MYCBP2: variants seen among roughly 807,000 people sequenced by gnomAD.
MYCBP2 encodes the protein E3 ubiquitin-protein ligase MYCBP2.
In MYCBP2, 120 loss-of-function variants were observed where a neutral mutation model predicts 525.3. That is an observed-to-expected ratio of 0.23 (90% CI 0.20 to 0.27). The LOEUF (loss-of-function observed/expected upper bound fraction) is 0.27, where lower values mean the gene tolerates loss of function less well. Among genes scored for constraint, MYCBP2 ranks in the 10% least tolerant of loss-of-function variants. The pLI is 1.00. For synonymous variants in MYCBP2, 1,894 were observed against 1,955.8 expected (o/e 0.97, Z 0.83); for missense variants, 4,149 against 5,657.1 (o/e 0.73, Z 8.55).
chr13:77,077,386 A>G lies in MYCBP2; in HGVS notation c.11486T>C (p.Val3829Ala), dbSNP rs1467365109. Residue 3829 changes from valine to alanine, a missense_variant and splice_region_variant, in exon 67 of 83, where the codon GTT becomes GCT. Transcript: ENST00000544440. ...AVEDLCRIKQVDLDSRHIGWV... is the reference protein window; with the variant it reads ...AVEDLCRIKQADLDSRHIGWV... ...GCCAATGTGCCTGGAATCCAGATCA[A>G]CCTGGTTGAGTAGAAAAGAGGCAGG... 8.7e-6 allele frequency: 14 copies of G among 1,613,648 alleles called. No homozygotes were observed. The highest frequency in any genetic ancestry group is 1.2e-5 in the Non-Finnish European group (14 of 1,179,774).
chr13:77,093,800 T>C (rs2045809237), intron 58 of MYCBP2, among the ~76,000 whole-genome samples: 1 of 152,138 alleles, frequency 6.6e-6, no homozygotes, highest in African/African-American at 2.4e-5. Context: ...GCAGTTACTT[T>C]TTTGGGTAGG....
chr13:77,057,145 T>A lies in MYCBP2; in HGVS notation c.13330-52A>T, dbSNP rs374736886. The A allele has an allele frequency of 1.6e-4, 210 of 1,278,032 alleles. No homozygotes were observed. In the African/African-American group the frequency reaches 2.4e-3, roughly 15 times the overall value. The allele number at this position is 1,278,032 out of a possible 1,614,324, so 79.2% of individuals were successfully genotyped here. ...AAGCAAATATAATAATGATAAACAG[T>A]TGAGTGACTGGGAGATTATTTAATG... On this transcript the variant is annotated intron_variant, in intron 78 of 82. Transcript: ENST00000544440.
intron 60 of MYCBP2, among the ~76,000 whole-genome samples, chr13:77,089,846 C>T (rs1383209391): frequency 6.6e-6 from 1 of 151,886 alleles, no homozygotes; most frequent in African/African-American, 2.4e-5. Context: ...GGCTTAGATA[C>T]CTAACAAGTA....
At position 77,099,008 on chromosome 13, in the gene MYCBP2, G is replaced by A; in HGVS notation, c.8146C>T (p.Arg2716Ter). 1 of 1,604,636 alleles carries A rather than the reference G, an allele frequency of 6.2e-7. No homozygotes were observed. Residue 2716 changes from arginine to a stop codon, truncating the protein, a stop_gained, in exon 56 of 83, where the codon CGA becomes TGA. Transcript: ENST00000544440. LOFTEE classifies it high-confidence loss of function. ...TTAGAAGATGTTGAGATGTTTCCTC[G>A]ATCACCTGTATGGTCCATTTTACAG... ...DYGLGNSKGD[R>*]GNISTSSKPA...
intron 66 of MYCBP2, 96 bp downstream of exon 66, chr13:77,078,728 T>G: frequency 1.1e-6 from 1 of 932,894 alleles, no homozygotes; most frequent in Admixed American, 1.8e-5. Flanking sequence ...CTATAATACT[T>G]TGGTTGTGTG....
At chr13:77,172,184 C>A (rs567094253) in intron 37 of MYCBP2, among the ~76,000 whole-genome samples, 1 of 152,232 alleles carries the variant, frequency 6.6e-6, no homozygotes, top group East Asian at 1.9e-4. Flanking sequence ...TAGGAGTGAG[C>A]CGCGCACCCA....
intron 62 of MYCBP2, among the ~76,000 whole-genome samples, chr13:77,083,840 T>G (rs2043748916): frequency 6.6e-6 from 1 of 152,132 alleles, no homozygotes; most frequent in South Asian, 2.1e-4. Flanking sequence ...TCTCCCTGTC[T>G]CTACAGCCCA....
intron 39 of MYCBP2, among the ~76,000 whole-genome samples, chr13:77,169,125 C>A (rs573904261): frequency 1.3e-5 from 2 of 152,200 alleles, no homozygotes; most frequent in Non-Finnish European, 2.9e-5. Context: ...GTAAAGCCAA[C>A]AGGCCGGGCG....
intron 52 of MYCBP2, among the ~76,000 whole-genome samples, chr13:77,127,259 A>G (rs2051836114): frequency 6.6e-6 from 1 of 152,024 alleles, no homozygotes; most frequent in Admixed American, 6.6e-5. Context: ...GAAATTAAAC[A>G]TGGATTTAAG....
intron 46 of MYCBP2, among the ~76,000 whole-genome samples, chr13:77,152,164 T>C (rs2056557734): frequency 6.6e-6 from 1 of 152,234 alleles, no homozygotes; most frequent in South Asian, 2.1e-4. Flanking sequence ...ACTTTCGCTA[T>C]TTATATAATG....
intron 1 of MYCBP2, among the ~76,000 whole-genome samples, chr13:77,300,224 TAAG>T: frequency 6.6e-6 from 1 of 152,232 alleles, no homozygotes; most frequent in South Asian, 2.1e-4. Context: ...CTCTTAGTAA[TAAG>T]AAATAAAAAA....
chr13:77,278,644 T>G, intron 4 of MYCBP2, 114 bp downstream of exon 4: 1 of 981,006 alleles, frequency 1.0e-6, no homozygotes, highest in Non-Finnish European at 1.3e-6. Context: ...GTACTTAACA[T>G]TTTCTGTAGT....
chr13:77,159,372 T>G (rs919574835), intron 44 of MYCBP2, among the ~76,000 whole-genome samples: 1 of 152,186 alleles, frequency 6.6e-6, no homozygotes, highest in Admixed American at 6.5e-5. Context: ...AAGAGGCAAT[T>G]TGGGACACCA....
chr13:77,261,400 A>G (rs781661096), intron 11 of MYCBP2, 25 bp from the exon 12 acceptor site: 1 of 1,528,262 alleles, frequency 6.5e-7, no homozygotes, highest in African/African-American at 1.4e-5. Context: ...AAAAAAAGGA[A>G]TTATGGTACT....
intron 55 of MYCBP2, chr13:77,109,813 C>T (rs1026108641): frequency 6.6e-6 from 1 of 152,168 alleles, no homozygotes; most frequent in African/African-American, 2.4e-5. Context: ...CAAATTAATA[C>T]TTTTATAATT....
intron 68 of MYCBP2, among the ~76,000 whole-genome samples, chr13:77,072,637 T>TA (rs1261730837): frequency 3.9e-5 from 6 of 152,106 alleles, no homozygotes. Flanking sequence ...GATGAATCTT[T>TA]AGAGAAACTA....
rs868127584 is a variant in MYCBP2 at position 77,112,273 on chromosome 13, T to C, written c.8140+9100A>G. Among the ~76,000 whole-genome samples the C allele has an allele frequency of 5.3e-4, 79 of 148,126 alleles. 2 individuals carry two copies. The highest frequency in any genetic ancestry group is 2.0e-4 in the Admixed American group (3 of 14,748). On this transcript the variant is annotated intron_variant, in intron 55 of 82. Transcript: ENST00000544440. Reference sequence around the variant, plus strand: ...CCTTTCCACTTTGCACTGGACTGTATCCCCTCTTCTTTATATTATATATAT... The same window carrying C: ...CCTTTCCACTTTGCACTGGACTGTACCCCCTCTTCTTTATATTATATATAT...
chr13:77,191,607 T>G, intron 28 of MYCBP2, 72 bp downstream of exon 28: 1 of 1,533,198 alleles, frequency 6.5e-7, no homozygotes, highest in Non-Finnish European at 8.9e-7. Context: ...CTGAAAGTAC[T>G]CTGAATTTTC....
chr13:77,079,111 T>C (rs2042849892), intron 65 of MYCBP2, among the ~76,000 whole-genome samples: 2 of 152,136 alleles, frequency 1.3e-5, no homozygotes, highest in South Asian at 2.1e-4. Context: ...TCTCTCCAGG[T>C]GCTCTCTCAC....
Sources: allele counts gnomAD v4.1 joint callset (sites outside exome capture counted in the v4.1 genomes callset), GRCh38; gene constraint gnomAD v4.1.1; transcripts MANE v1.5; gene names NCBI Gene and HGNC (gene_info 2026-07-23, HGNC 2026-07-21).